The following CFAP57 variants were observed in gnomAD, a reference collection of about 807,000 sequenced individuals.
The protein encoded by CFAP57 is cilia and flagella associated protein 57.
A neutral mutation model predicts 146.8 loss-of-function variants in CFAP57; 116 were observed. The ratio of observed to expected loss-of-function variants is 0.79; its 90% CI spans 0.68 to 0.92. CFAP57 has a LOEUF of 0.92. Ranked by LOEUF, CFAP57 falls within the 40% of genes least tolerant of loss-of-function variation. The pLI is 0.00. For synonymous variants in CFAP57, 518 were observed against 552.8 expected (o/e 0.94, Z 0.88); for missense variants, 1,377 against 1,527.2 (o/e 0.90, Z 1.64).
intron 11 of CFAP57, among the ~76,000 whole-genome samples, chr1:43,211,039 T>C (rs1348149080): frequency 2.0e-5 from 3 of 152,116 alleles, no homozygotes; most frequent in African/African-American, 7.2e-5. Context: ...TTCTGCAGAT[T>C]GAATGACACA....
chr1:43,210,300 C>A, intron 11 of CFAP57: 2 of 1,425,832 alleles, frequency 1.4e-6, no homozygotes, highest in Non-Finnish European at 1.8e-6. Flanking sequence ...CCCTACCTCT[C>A]CCTGAGGGTA....
chr1:43,224,736 C>G (rs1206793978), intron 17 of CFAP57, among the ~76,000 whole-genome samples: 1 of 152,202 alleles, frequency 6.6e-6, no homozygotes, highest in African/African-American at 2.4e-5. Context: ...TACCTCAATA[C>G]CCAGTATGTA....
chr1:43,185,042 G>T, intron 4 of CFAP57, 107 bp from the exon 5 acceptor site: 1 of 1,199,400 alleles, frequency 8.3e-7, no homozygotes. Context: ...GGGGATCATT[G>T]GGTGGTTTCT....
At chr1:43,213,808 G>A (rs940019602) in intron 11 of CFAP57, among the ~76,000 whole-genome samples, 1 of 151,558 alleles carries the variant, frequency 6.6e-6, no homozygotes, top group African/African-American at 2.4e-5. Context: ...GATGATTAGT[G>A]ATGTTGAGCA....
rs1184055433 is a variant in CFAP57, at chr1:43,221,366, T to C, written c.2248-6T>C. On this transcript the variant is annotated splice_region_variant and splice_polypyrimidine_tract_variant and intron_variant, in intron 13 of 22. Transcript: ENST00000372492. Reference sequence around the variant, plus strand: ...GTGTAAATGAGGAAATGTGACTCTGTTTTAGGTCTTAAGAACAGAAAAAGA... The same window carrying C: ...GTGTAAATGAGGAAATGTGACTCTGCTTTAGGTCTTAAGAACAGAAAAAGA... 16 of 1,539,796 alleles carry C rather than the reference T, an allele frequency of 1.0e-5. No individual in the cohort carries two copies. Among genetic ancestry groups the C allele is most frequent in the Non-Finnish European group, 7.9e-6 (9 of 1,141,194 alleles).
intron 2 of CFAP57, among the ~76,000 whole-genome samples, chr1:43,175,045 T>G (rs1645116198): frequency 6.6e-6 from 1 of 152,194 alleles, no homozygotes; most frequent in African/African-American, 2.4e-5. Context: ...TATCCTCATT[T>G]CTGAAAGATA....
chr1:43,215,787 A>G (rs1227781049), intron 12 of CFAP57, among the ~76,000 whole-genome samples: 3 of 152,250 alleles, frequency 2.0e-5, no homozygotes, highest in African/African-American at 4.8e-5. Context: ...TTACAAAAGT[A>G]AAGTATGTTC....
chr1:43,174,103 A>G (rs1363755524), intron 2 of CFAP57, among the ~76,000 whole-genome samples: 1 of 152,198 alleles, frequency 6.6e-6, no homozygotes, highest in African/African-American at 2.4e-5. Flanking sequence ...TTTGTTGTGC[A>G]GGATATTTTT....
At chr1:43,227,680 G>A (rs970624796) in intron 18 of CFAP57, among the ~76,000 whole-genome samples, 3 of 152,124 alleles carry the variant, frequency 2.0e-5, no homozygotes, top group Non-Finnish European at 2.9e-5. Context: ...CTGGACAAGG[G>A]TTTCTGAGAA....
intron 11 of CFAP57, chr1:43,210,310 A>G: frequency 7.0e-7 from 1 of 1,418,766 alleles, no homozygotes. Flanking sequence ...CCCTGAGGGT[A>G]CAAAAGGCCA....
Position 43,185,284 on chromosome 1 carries a change from T to TG in CFAP57, c.900dup (p.Pro301AlafsTer8). 2 of 1,614,120 alleles carry TG rather than the reference T, an allele frequency of 1.2e-6. No individual in the cohort carries two copies. The highest frequency in any genetic ancestry group is 1.7e-6 in the Non-Finnish European group (2 of 1,180,032). ...ATTCAAAGGGATTTGCCTGTTCTGC[T>TG]GGGCCAGGGAGAGTTCTGCTGTTTG... On this transcript the variant is annotated frameshift_variant, in exon 5 of 23. Transcript: ENST00000372492. LOFTEE classifies it high-confidence loss of function.
intron 2 of CFAP57, chr1:43,177,237 G>C: frequency 2.2e-6 from 1 of 456,290 alleles, no homozygotes; most frequent in Middle Eastern, 3.3e-4. Flanking sequence ...ACTTGGAGCA[G>C]GTAGAGGCAG....
rs961801344 is a variant in CFAP57, at chr1:43,222,283, C to G, written c.2520C>G (p.Thr840=). 6 of 1,447,468 alleles carry G rather than the reference C, an allele frequency of 4.1e-6. No individual in the cohort carries two copies. Among genetic ancestry groups the G allele is most frequent in the African/African-American group, 1.4e-5 (1 of 69,362 alleles). 89.7% of individuals were successfully genotyped at this position (1,447,468 alleles called of 1,614,324 possible). A position where few individuals can be genotyped will look rare whatever the true frequency, so the allele number is the denominator to read the frequency against. The change falls in exon 15 of 23, where the codon ACC becomes ACG. Residue 840 remains threonine (T), a synonymous_variant. Coordinates refer to ENST00000372492, the MANE Select transcript of CFAP57 (RefSeq NM_001378189.1). ...FYEAKLQEKT[T]LLEEAQEDVR... ...AGGCAAAACTGCAGGAGAAAACCAC[C>G]CTTCTGGAAGAGGTACTCACAGGAA...
At position 43,232,539 on chromosome 1, in the gene CFAP57, A is replaced by G; in HGVS notation, c.3041A>G (p.Gln1014Arg). The G allele has an allele frequency of 6.4e-7, 1 of 1,550,398 alleles. No individual in the cohort carries two copies. Among genetic ancestry groups the G allele is most frequent in the Non-Finnish European group, 8.7e-7 (1 of 1,146,812 alleles). ...GCTGAACTGGAGAATTTCCATAAGCAGAACACTCAACTGGAGCTGAACATC... is the reference window on the plus strand; with the variant it reads ...GCTGAACTGGAGAATTTCCATAAGCGGAACACTCAACTGGAGCTGAACATC... Reference protein sequence around the residue: ...MEAELENFHKQNTQLELNITE... With the variant: ...MEAELENFHKRNTQLELNITE... The change falls in exon 19 of 23, where the codon CAG becomes CGG. Residue 1014 changes from glutamine to arginine, a missense_variant. Coordinates refer to ENST00000372492, the MANE Select transcript of CFAP57 (RefSeq NM_001378189.1).
At chr1:43,247,640 G>A (rs1462085724) in intron 22 of CFAP57, among the ~76,000 whole-genome samples, 1 of 152,162 alleles carries the variant, frequency 6.6e-6, no homozygotes, top group Non-Finnish European at 1.5e-5. Context: ...CTATGAAAGT[G>A]TTAATTATCC....
intron 13 of CFAP57, among the ~76,000 whole-genome samples, chr1:43,220,943 C>T (rs1031791456): frequency 6.6e-6 from 1 of 152,094 alleles, no homozygotes; most frequent in Non-Finnish European, 1.5e-5. Context: ...GATGGCACAC[C>T]ACCTCCAACT....
intron 11 of CFAP57, among the ~76,000 whole-genome samples, chr1:43,214,161 C>T (rs1329967337): frequency 6.6e-6 from 1 of 152,050 alleles, no homozygotes; most frequent in Non-Finnish European, 1.5e-5. Flanking sequence ...GCTGGGATTA[C>T]AGGTGTAAGC....
intron 18 of CFAP57, among the ~76,000 whole-genome samples, chr1:43,230,586 A>T (rs1485428293): frequency 6.6e-6 from 1 of 151,104 alleles, no homozygotes; most frequent in African/African-American, 2.4e-5. Context: ...ACCCTAAGCC[A>T]CTTGCAGCCT....
rs921518255 is a variant in CFAP57, at chr1:43,213,127, G to A, written c.1930-2128G>A. Among the ~76,000 whole-genome samples the A allele has an allele frequency of 5.3e-5, 8 of 151,456 alleles. No homozygotes were observed. In the South Asian group the frequency reaches 6.3e-4, roughly 12 times the overall value. On this transcript the variant is annotated intron_variant, in intron 11 of 22. Coordinates refer to ENST00000372492, the MANE Select transcript of CFAP57 (RefSeq NM_001378189.1). Reference sequence around the variant, plus strand: ...TTTTGAGATAGAGTCTCACTCTGTCGCCCAGGCTTGAGTGCAATGGCATGA... The same window carrying A: ...TTTTGAGATAGAGTCTCACTCTGTCACCCAGGCTTGAGTGCAATGGCATGA...
Sources: allele counts gnomAD v4.1 joint callset (sites outside exome capture counted in the v4.1 genomes callset), GRCh38; gene constraint gnomAD v4.1.1; transcripts MANE v1.5; gene names NCBI Gene and HGNC (gene_info 2026-07-23, HGNC 2026-07-21).